SLC7A14: variants seen among roughly 807,000 people sequenced by gnomAD.
SLC7A14 encodes the protein gamma-aminobutyric acid transporter SLC7A14.
Under a neutral mutation model 60.2 loss-of-function variants are expected in SLC7A14, and 37 were observed. The observed-to-expected ratio is 0.61, with a 90% confidence interval of 0.47 to 0.81. SLC7A14 has a LOEUF of 0.81. SLC7A14 is among the 30% of genes least tolerant of loss of function. The pLI, the probability that SLC7A14 is intolerant of heterozygous loss-of-function variation, is 0.00. For missense variants in SLC7A14, 886 were observed against 982.7 expected (o/e 0.90, Z 1.32); for synonymous variants, 399 against 395.8 (o/e 1.01, Z -0.10).
At chr3:170,488,240 A>T (rs992191753) in intron 4 of SLC7A14, among the ~76,000 whole-genome samples, 5 of 152,204 alleles carry the variant, frequency 3.3e-5, no homozygotes, top group African/African-American at 1.2e-4. Context: ...CTCCTGGTCT[A>T]TTCTAATAAG....
chr3:170,559,019 T>G (rs1469811521), intron 1 of SLC7A14, among the ~76,000 whole-genome samples: 1 of 152,198 alleles, frequency 6.6e-6, no homozygotes, highest in Non-Finnish European at 1.5e-5. Context: ...GGGAGGTTGA[T>G]GTCGGAATCC....
At chr3:170,499,482 G>A (rs1044907208) in intron 3 of SLC7A14, among the ~76,000 whole-genome samples, 1 of 152,090 alleles carries the variant, frequency 6.6e-6, no homozygotes, top group Non-Finnish European at 1.5e-5. Flanking sequence ...AACATTTGAA[G>A]TGGGAACCAT....
chr3:170,496,601 C>T (rs1171305884), intron 4 of SLC7A14: 1 of 1,588,168 alleles, frequency 6.3e-7, no homozygotes, highest in Non-Finnish European at 8.6e-7. Flanking sequence ...AGATCGCCAC[C>T]TACAGGAAGC....
intron 4 of SLC7A14, among the ~76,000 whole-genome samples, chr3:170,489,642 TG>T (rs1712152021): frequency 6.6e-6 from 1 of 152,268 alleles, no homozygotes; most frequent in Admixed American, 6.5e-5. Context: ...TGCATTCCTA[TG>T]TTTGTTGCAA....
At chr3:170,543,058 G>C (rs546466792) in intron 1 of SLC7A14, among the ~76,000 whole-genome samples, 1 of 152,300 alleles carries the variant, frequency 6.6e-6, no homozygotes, top group Non-Finnish European at 1.5e-5. Flanking sequence ...CCTTAAAGCA[G>C]AGGGCTAGAT....
chr3:170,473,021 T>C (rs1380262743), intron 7 of SLC7A14, among the ~76,000 whole-genome samples: 1 of 152,208 alleles, frequency 6.6e-6, no homozygotes, highest in Non-Finnish European at 1.5e-5. Context: ...TTAAGAACTG[T>C]GTGATAAATC....
intron 1 of SLC7A14, among the ~76,000 whole-genome samples, chr3:170,577,296 C>T (rs2108317752): frequency 6.6e-6 from 1 of 152,298 alleles, no homozygotes; most frequent in East Asian, 1.9e-4. Flanking sequence ...GACTCCTAGG[C>T]CATCCCGCTC....
intron 2 of SLC7A14, among the ~76,000 whole-genome samples, chr3:170,505,327 A>G (rs1712743867): frequency 6.6e-6 from 1 of 152,224 alleles, no homozygotes. Context: ...TCTACAAATG[A>G]CTGCAAACAA....
chr3:170,471,220 C>G (rs1739898881), intron 7 of SLC7A14, among the ~76,000 whole-genome samples: 1 of 152,094 alleles, frequency 6.6e-6, no homozygotes, highest in South Asian at 2.1e-4. Context: ...AGCAGGTGGA[C>G]AGTGAATCCT....
chr3:170,548,206 T>G (rs1481128150), intron 1 of SLC7A14, among the ~76,000 whole-genome samples: 1 of 152,252 alleles, frequency 6.6e-6, no homozygotes, highest in Non-Finnish European at 1.5e-5. Context: ...GTGCCTTATA[T>G]GTGCTGGGAG....
rs567706944 is a variant in SLC7A14, at chr3:170,491,470, C to T, written c.760-5102G>A. 2.3e-4 allele frequency among the ~76,000 whole-genome samples: 35 copies of T among 152,264 alleles called. No individual in the cohort carries two copies. In the East Asian group the frequency reaches 4.4e-3, roughly 19 times the overall value. ...GGCAGTCAAGATAATTTATTAATAACGCAGATGATTCAAACAAAATTTCAA... is the reference window on the plus strand; with the variant it reads ...GGCAGTCAAGATAATTTATTAATAATGCAGATGATTCAAACAAAATTTCAA... On this transcript the variant is annotated intron_variant, in intron 4 of 7. Coordinates refer to ENST00000231706, the MANE Select transcript of SLC7A14 (RefSeq NM_020949.3).
chr3:170,569,489 C>T (rs9754849), intron 1 of SLC7A14, among the ~76,000 whole-genome samples: 61,572 of 150,522 alleles, frequency 0.41, 12,736 homozygotes, highest in African/African-American at 0.49. Flanking sequence ...GGTTGTGTCT[C>T]TGCCAGGCTT....
chr3:170,550,892 G>A, intron 1 of SLC7A14, among the ~76,000 whole-genome samples: 1 of 152,182 alleles, frequency 6.6e-6, no homozygotes, highest in East Asian at 1.9e-4. Context: ...AAAGCGAAGT[G>A]TAATCCACAT....
intron 6 of SLC7A14, among the ~76,000 whole-genome samples, chr3:170,482,802 G>A (rs544585299): frequency 7.2e-5 from 11 of 152,180 alleles, no homozygotes; most frequent in Non-Finnish European, 2.9e-5. Context: ...ATGGGATACT[G>A]TATACACAGC....
At chr3:170,547,161 C>G (rs6784896) in intron 1 of SLC7A14, among the ~76,000 whole-genome samples, 50,867 of 152,040 alleles carry the variant, frequency 0.33, 8,737 homozygotes, top group East Asian at 0.45. Context: ...CTCTCTCTTC[C>G]TTTTCATTCT....
At chr3:170,499,682 G>A (rs552039733) in intron 3 of SLC7A14, among the ~76,000 whole-genome samples, 14 of 152,210 alleles carry the variant, frequency 9.2e-5, no homozygotes, top group African/African-American at 3.4e-4. Flanking sequence ...TGTATATGTG[G>A]TTGTAGAGAA....
At chr3:170,485,929 G>A (rs963593108) in intron 5 of SLC7A14, among the ~76,000 whole-genome samples, 1 of 152,152 alleles carries the variant, frequency 6.6e-6, no homozygotes. Flanking sequence ...GAGCTCCTTG[G>A]ATGGCAGCCC....
rs942461994 is a variant in SLC7A14 at position 170,585,519 on chromosome 3, C to A, written c.-153+392G>T. Among the ~76,000 whole-genome samples the A allele has an allele frequency of 6.6e-6, 1 of 152,196 alleles. No homozygotes were observed. The highest frequency in any genetic ancestry group is 6.5e-5 in the Admixed American group (1 of 15,290). On this transcript the variant is annotated intron_variant, in intron 1 of 7. Coordinates refer to ENST00000231706, the MANE Select transcript of SLC7A14 (RefSeq NM_020949.3). The surrounding 1 kb of genome is among the most constrained non-coding windows in gnomAD (Gnocchi z 5.1). The stretch of plus-strand genomic sequence containing the variant: ...GTGCGCGCCAAGGCGGGGGACAGGA[C>A]GGGCCCGGCGTCTGCCGAGACCTAG...
intron 1 of SLC7A14, among the ~76,000 whole-genome samples, chr3:170,531,005 G>A (rs186517260): frequency 2.0e-5 from 3 of 152,298 alleles, no homozygotes; most frequent in African/African-American, 4.8e-5. Context: ...TTGGTTGCAC[G>A]TTGGAAATAC....
Sources: gnomAD v4.1 joint callset for allele counts (sites outside exome capture counted in the v4.1 genomes callset) on GRCh38, gnomAD v4.1.1 for gene constraint, Gnocchi (gnomAD v3.1) non-coding constraint, MANE v1.5 for transcripts, NCBI Gene and HGNC (gene_info 2026-07-23, HGNC 2026-07-21) for gene names.